EFEMP1: variants seen among roughly 807,000 people sequenced by gnomAD.
EFEMP1 encodes the protein EGF-containing fibulin-like extracellular matrix protein 1.
Under a neutral mutation model 65.7 loss-of-function variants are expected in EFEMP1, and 18 were observed. The observed-to-expected ratio is 0.27, with a 90% CI of 0.19 to 0.41. The LOEUF (loss-of-function observed/expected upper bound fraction) is 0.41, where lower values mean the gene tolerates loss of function less well. Among genes scored for constraint, EFEMP1 ranks in the 10% least tolerant of loss-of-function variants. The probability of loss-of-function intolerance (pLI) is 1.00; values close to 1 mark genes in which losing one functional copy is unlikely to be tolerated. For synonymous variants in EFEMP1, 237 were observed against 219.7 expected (o/e 1.08, Z -0.70); for missense variants, 469 against 624.8 (o/e 0.75, Z 2.66).
At chr2:55,869,237 T>G (rs1384091020) in intron 11 of EFEMP1, among the ~76,000 whole-genome samples, 1 of 152,142 alleles carries the variant, frequency 6.6e-6, no homozygotes, top group East Asian at 1.9e-4. Context: ...GCTAGAAAAT[T>G]TTATTTTCTT....
intron 5 of EFEMP1, among the ~76,000 whole-genome samples, chr2:55,891,582 T>G (rs1440620650): frequency 2.0e-5 from 3 of 152,100 alleles, no homozygotes. Context: ...AGCTGTGAAG[T>G]TAACTTTTAT....
intron 3 of EFEMP1, among the ~76,000 whole-genome samples, chr2:55,918,521 A>G (rs1363867407): frequency 6.6e-6 from 1 of 151,812 alleles, no homozygotes. Flanking sequence ...ACAGTTGCCC[A>G]GTACCATCTT....
chr2:55,867,908 T>G lies in EFEMP1; in HGVS notation c.1321-674A>C, dbSNP rs1668644137. Among the ~76,000 whole-genome samples, 1 of 151,968 alleles carries G rather than the reference T, an allele frequency of 6.6e-6. No individual in the cohort carries two copies. The highest frequency in any genetic ancestry group is 2.4e-5 in the African/African-American group (1 of 41,362). ...CTCTTGTGAGTGGAGGGAGATGAGG[T>G]TGGAGAGGCAGGTAAGTGGATGTGT... is the stretch of plus-strand genomic sequence containing the variant. On this transcript the variant is annotated intron_variant, in intron 11 of 11. Transcript: ENST00000355426. The surrounding 1 kb of genome is among the most constrained non-coding windows in gnomAD (Gnocchi z 4.3).
chr2:55,895,882 A>G (rs1054652906), intron 5 of EFEMP1, among the ~76,000 whole-genome samples: 1 of 152,150 alleles, frequency 6.6e-6, no homozygotes, highest in African/African-American at 2.4e-5. Flanking sequence ...CAAACTCACT[A>G]TCTCTGGAAA....
At chr2:55,902,875 G>T (rs1558479878) in intron 5 of EFEMP1, among the ~76,000 whole-genome samples, 1 of 152,170 alleles carries the variant, frequency 6.6e-6, no homozygotes, top group African/African-American at 2.4e-5. Context: ...TTAAATGCCA[G>T]GCATATATCA....
At chr2:55,892,609 C>T (rs904837206) in intron 5 of EFEMP1, among the ~76,000 whole-genome samples, 1 of 152,158 alleles carries the variant, frequency 6.6e-6, no homozygotes, top group Admixed American at 6.5e-5. Context: ...CTACTGTGTT[C>T]CTATAAAGTT....
chr2:55,911,973 A>G (rs1178536870), intron 5 of EFEMP1, among the ~76,000 whole-genome samples: 2 of 152,198 alleles, frequency 1.3e-5, no homozygotes, highest in Non-Finnish European at 2.9e-5. Flanking sequence ...GAGTAAATCA[A>G]TTACTTCCAT....
chr2:55,902,364 CACTCGT>C (rs1353236201), intron 5 of EFEMP1, among the ~76,000 whole-genome samples: 14 of 152,208 alleles, frequency 9.2e-5, no homozygotes, highest in African/African-American at 3.1e-4. Flanking sequence ...TGCCGAAAGG[CACTCGT>C]CTCCAGTGAA....
chr2:55,880,861 T>G (rs961485148), intron 6 of EFEMP1, among the ~76,000 whole-genome samples: 7 of 152,182 alleles, frequency 4.6e-5, no homozygotes, highest in African/African-American at 1.7e-4. Flanking sequence ...CTCCATCACA[T>G]GGTGGGCACA....
At chr2:55,882,589 AG>A (rs1177318433) in intron 5 of EFEMP1, among the ~76,000 whole-genome samples, 1 of 152,176 alleles carries the variant, frequency 6.6e-6, no homozygotes, top group African/African-American at 2.4e-5. Flanking sequence ...GTAATTTATA[AG>A]TAAAATCTAA....
intron 5 of EFEMP1, among the ~76,000 whole-genome samples, chr2:55,895,705 C>A: frequency 6.6e-6 from 1 of 151,906 alleles, no homozygotes; most frequent in East Asian, 1.9e-4. Flanking sequence ...CCTCGCCCGG[C>A]TAATTTTTTG....
chr2:55,913,602 G>A (rs1335607697), intron 5 of EFEMP1, among the ~76,000 whole-genome samples: 4 of 122,098 alleles, frequency 3.3e-5, no homozygotes, highest in African/African-American at 2.0e-4. Context: ...GTTCCCAAAT[G>A]ACTTTTTTTT....
intron 5 of EFEMP1, among the ~76,000 whole-genome samples, chr2:55,913,808 G>C (rs1289745067): frequency 1.3e-5 from 2 of 151,956 alleles, no homozygotes; most frequent in South Asian, 4.2e-4. Context: ...TCAGGAGCTC[G>C]AGACCAGCCT....
In EFEMP1 at chr2:55,873,066, C is replaced by CCACACACACACACACACACA. The variant is rs58841515; in HGVS notation, c.1000+1860_1000+1879dup. Among the ~76,000 whole-genome samples the CCACACACACACACACACACA allele has an allele frequency of 3.2e-3, 471 of 145,394 alleles. 3 individuals carry two copies. The highest frequency in any genetic ancestry group is 0.011 in the African/African-American group (438 of 39,386). The stretch of plus-strand genomic sequence containing the variant: ...TTCTTTTGTCTCTCTGTCTCTCTCT[C>CCACACACACACACACACACA]CACACACACACACACACACACACAC... On this transcript the variant is annotated intron_variant, in intron 9 of 11. Transcript: ENST00000355426. This position sits in a 1 kb window ranked among gnomAD's most constrained non-coding sequence, Gnocchi z 4.6.
At chr2:55,906,153 C>T (rs1048536363) in intron 5 of EFEMP1, among the ~76,000 whole-genome samples, 7 of 152,066 alleles carry the variant, frequency 4.6e-5, no homozygotes, top group South Asian at 2.1e-4. Flanking sequence ...GCTTACCCCC[C>T]ACCCTGACCC....
intron 9 of EFEMP1, among the ~76,000 whole-genome samples, chr2:55,874,534 G>A (rs1027568322): frequency 3.9e-5 from 6 of 151,920 alleles, no homozygotes; most frequent in African/African-American, 1.2e-4. Flanking sequence ...ACATTCTTAC[G>A]CAATTTATAA....
chr2:55,898,109 A>G (rs768158874), intron 5 of EFEMP1, among the ~76,000 whole-genome samples: 2 of 152,226 alleles, frequency 1.3e-5, no homozygotes, highest in Non-Finnish European at 2.9e-5. Context: ...AACATTTTAC[A>G]GTTTAATGAA....
In EFEMP1 at chr2:55,877,950, A is replaced by G. The variant is rs887008712; in HGVS notation, c.641-85T>C. 1.4e-5 allele frequency: 21 copies of G among 1,515,194 alleles called. No individual in the cohort carries two copies. The highest frequency in any genetic ancestry group is 1.8e-5 in the Non-Finnish European group (20 of 1,111,322). 93.9% of individuals were successfully genotyped at this position (1,515,194 alleles called of 1,614,324 possible). A position where few individuals can be genotyped will look rare whatever the true frequency, so the allele number is the denominator to read the frequency against. Reference sequence around the variant, plus strand: ...AGCATTATCTAGAAAACCTATGTAGAGAAAATCTCTTTTTAAAAGTAATAA... The same window carrying G: ...AGCATTATCTAGAAAACCTATGTAGGGAAAATCTCTTTTTAAAAGTAATAA... On this transcript the variant is annotated intron_variant, in intron 6 of 11. Transcript: ENST00000355426. This position sits in a 1 kb window ranked among gnomAD's most constrained non-coding sequence, Gnocchi z 4.5.
intron 5 of EFEMP1, among the ~76,000 whole-genome samples, chr2:55,888,440 C>T (rs1319569387): frequency 6.7e-6 from 1 of 148,328 alleles, no homozygotes; most frequent in South Asian, 2.1e-4. Context: ...CAGATTCCAG[C>T]GATTCTCCTG....
Sources: gnomAD v4.1 joint callset for allele counts (sites outside exome capture counted in the v4.1 genomes callset) on GRCh38, gnomAD v4.1.1 for gene constraint, Gnocchi (gnomAD v3.1) non-coding constraint, MANE v1.5 for transcripts, NCBI Gene and HGNC (gene_info 2026-07-23, HGNC 2026-07-21) for gene names.